Variants in SIL1 observed in about 807,000 individuals in gnomAD.
SIL1 encodes nucleotide exchange factor SIL1.
A neutral mutation model predicts 49.1 loss-of-function variants in SIL1; 40 were observed. The ratio of observed to expected loss-of-function variants is 0.81; its 90% confidence interval spans 0.63 to 1.06. The LOEUF is 1.06. SIL1 is among the 50% of genes least tolerant of loss of function. SIL1 has a pLI of 0.00. For synonymous variants in SIL1, 253 were observed against 250.8 expected (o/e 1.01, Z -0.08); for missense variants, 500 against 572.6 (o/e 0.87, Z 1.29).
chr5:139,119,792 A>G (rs951114335), intron 3 of SIL1, among the ~76,000 whole-genome samples: 1 of 152,290 alleles, frequency 6.6e-6, no homozygotes, highest in South Asian at 2.1e-4. Context: ...GCAACACTAT[A>G]TACATAAAAT....
At chr5:139,010,445 A>G (rs1350713749) in intron 7 of SIL1, among the ~76,000 whole-genome samples, 1 of 151,978 alleles carries the variant, frequency 6.6e-6, no homozygotes. Context: ...GATCGTCTGA[A>G]GCCTTCTTCT....
chr5:138,957,920 CTTTT>C (rs528121887), intron 7 of SIL1, among the ~76,000 whole-genome samples: 1 of 141,198 alleles, frequency 7.1e-6, no homozygotes. Flanking sequence ...TTAAGAAACA[CTTTT>C]TTTTTTTTTT....
chr5:139,133,612 G>A (rs935063589), intron 1 of SIL1: 1 of 152,268 alleles, frequency 6.6e-6, no homozygotes, highest in African/African-American at 2.4e-5. Context: ...CACCTGGCAG[G>A]ACCCATGGGC....
chr5:139,113,287 G>T (rs1412578850), intron 3 of SIL1, among the ~76,000 whole-genome samples: 12 of 149,942 alleles, frequency 8.0e-5, no homozygotes, highest in Non-Finnish European at 1.8e-4. Flanking sequence ...ACCCAAGAAT[G>T]ATCAATAAAA....
intron 3 of SIL1, among the ~76,000 whole-genome samples, chr5:139,112,178 G>A (rs1340091319): frequency 1.3e-5 from 2 of 152,330 alleles, no homozygotes; most frequent in Admixed American, 1.3e-4. Flanking sequence ...GTGCAGTGGC[G>A]TGATCTCAGC....
chr5:138,968,396 C>G (rs1256662390), intron 7 of SIL1, among the ~76,000 whole-genome samples: 1 of 152,120 alleles, frequency 6.6e-6, no homozygotes, highest in East Asian at 1.9e-4. Flanking sequence ...TCTCTTGCCC[C>G]GATGAATTTC....
chr5:139,124,984 G>A (rs1750725278), intron 2 of SIL1, among the ~76,000 whole-genome samples: 1 of 152,208 alleles, frequency 6.6e-6, no homozygotes, highest in African/African-American at 2.4e-5. Flanking sequence ...GTCCTAATAA[G>A]TTGTGCCCTG....
intron 7 of SIL1, among the ~76,000 whole-genome samples, chr5:138,986,850 T>C (rs576756231): frequency 6.6e-6 from 1 of 152,294 alleles, no homozygotes; most frequent in South Asian, 2.1e-4. Flanking sequence ...TTTGTAAATA[T>C]AAACAAAAAC....
At chr5:138,987,018 G>A (rs1172144705) in intron 7 of SIL1, among the ~76,000 whole-genome samples, 2 of 151,422 alleles carry the variant, frequency 1.3e-5, no homozygotes, top group Non-Finnish European at 2.9e-5. Flanking sequence ...CCTAAAACAT[G>A]GGAGGGGAAA....
At chr5:138,992,643 T>A in intron 7 of SIL1, among the ~76,000 whole-genome samples, 1 of 150,842 alleles carries the variant, frequency 6.6e-6, no homozygotes, top group Non-Finnish European at 1.5e-5. Context: ...ATCAAAAAAA[T>A]AAATAATCCT....
intron 1 of SIL1, among the ~76,000 whole-genome samples, chr5:139,193,231 T>C (rs897815977): frequency 6.6e-6 from 1 of 152,042 alleles, no homozygotes; most frequent in East Asian, 1.9e-4. Context: ...AGGGCCACAA[T>C]ACAAAAACAG....
rs189154185 is a variant in SIL1, at chr5:139,071,693, A to T, written c.245-20647T>A. ...TTTTTTTTTTTTTTTTTTGAGACGGAGTCTCACTCTGTCGCCCAGGCTGGA... is the reference window on the plus strand; with the variant it reads ...TTTTTTTTTTTTTTTTTTGAGACGGTGTCTCACTCTGTCGCCCAGGCTGGA... On this transcript the variant is annotated intron_variant, in intron 3 of 9. Coordinates refer to ENST00000394817, the MANE Select transcript of SIL1 (RefSeq NM_022464.5). Among the ~76,000 whole-genome samples, 784 of 129,640 alleles carry T rather than the reference A, an allele frequency of 6.0e-3. 3 individuals are homozygous for T. The highest frequency in any genetic ancestry group is 6.6e-3 in the Non-Finnish European group (424 of 63,774). The allele number at this position is 129,640 out of a possible 152,430, so 85.0% of individuals were successfully genotyped here.
At chr5:139,121,270 C>A in intron 2 of SIL1, 97 bp from the exon 3 acceptor site, 1 of 1,518,292 alleles carries the variant, frequency 6.6e-7, no homozygotes. Flanking sequence ...TCCTCCATGC[C>A]CCTCTCCCCC....
chr5:139,086,547 G>A (rs1468481002), intron 3 of SIL1, among the ~76,000 whole-genome samples: 6 of 151,604 alleles, frequency 4.0e-5, no homozygotes, highest in Admixed American at 1.3e-4. Flanking sequence ...TAGTAGAGAT[G>A]GGGTTTCACC....
intron 1 of SIL1, chr5:139,155,384 T>C (rs1751384988): frequency 6.6e-6 from 1 of 151,280 alleles, no homozygotes; most frequent in African/African-American, 2.4e-5. Flanking sequence ...AGCTTGCAGA[T>C]GGCTGCCCTC....
chr5:138,981,127 C>A (rs1025231362), intron 7 of SIL1, among the ~76,000 whole-genome samples: 1 of 150,708 alleles, frequency 6.6e-6, no homozygotes, highest in Admixed American at 6.7e-5. Context: ...GCAGGAGAAT[C>A]GCTTGAACCC....
chr5:139,040,489 TTCTTTTTTC>T (rs1405478703), intron 5 of SIL1, among the ~76,000 whole-genome samples: 10 of 109,904 alleles, frequency 9.1e-5, no homozygotes, highest in African/African-American at 3.6e-4. Context: ...TTTTTCTTTT[TTCTTTTTTC>T]TTTTTTTTTT....
intron 1 of SIL1, among the ~76,000 whole-genome samples, chr5:139,193,160 G>A (rs556162427): frequency 7.2e-5 from 11 of 152,230 alleles, no homozygotes; most frequent in Non-Finnish European, 1.5e-4. Context: ...GCCCAGAAGG[G>A]GTGAAAATTG....
At chr5:139,016,289 A>C (rs1768396398) in intron 7 of SIL1, among the ~76,000 whole-genome samples, 1 of 152,212 alleles carries the variant, frequency 6.6e-6, no homozygotes, top group Non-Finnish European at 1.5e-5. Flanking sequence ...AGATAAAAAG[A>C]GAATGTGGGA....
Sources: allele counts gnomAD v4.1 joint callset (sites outside exome capture counted in the v4.1 genomes callset), GRCh38; gene constraint gnomAD v4.1.1; transcripts MANE v1.5; gene names NCBI Gene and HGNC (gene_info 2026-07-23, HGNC 2026-07-21).